SGCD: variants seen among roughly 807,000 people sequenced by gnomAD.
The protein encoded by SGCD is sarcoglycan delta.
A neutral mutation model predicts 36.6 loss-of-function variants in SGCD; 18 were observed. The ratio of observed to expected loss-of-function variants is 0.49; its 90% CI spans 0.34 to 0.73. SGCD has a LOEUF of 0.73. Ranked by LOEUF, SGCD falls within the 30% of genes least tolerant of loss-of-function variation. The pLI is 0.01. For synonymous variants in SGCD, 133 were observed against 130.6 expected (o/e 1.02, Z -0.12); for missense variants, 387 against 346.7 (o/e 1.12, Z -0.92).
chr5:155,884,903 AGACGATAATGACAAC>A (rs1413832484), intron 1 of SGCD, among the ~76,000 whole-genome samples: 1 of 117,288 alleles, frequency 8.5e-6, no homozygotes. Context: ...CTAATGATGA[AGACGATAATGACAAC>A]GACGATAACT....
the SGCD span, among the ~76,000 whole-genome samples, chr5:155,742,283 C>A: frequency 1.3e-5 from 2 of 152,132 alleles, no homozygotes; most frequent in Admixed American, 1.3e-4. Flanking sequence ...GTCAAAAATT[C>A]TATTTTTAAT....
intron 3 of SGCD, among the ~76,000 whole-genome samples, chr5:156,446,015 T>C (rs183367188): frequency 1.3e-5 from 2 of 152,204 alleles, no homozygotes; most frequent in African/African-American, 2.4e-5. Flanking sequence ...TGTAAGAATA[T>C]ATATTCCGAA....
intron 3 of SGCD, among the ~76,000 whole-genome samples, chr5:156,298,687 TC>T (rs1766968823): frequency 6.9e-6 from 1 of 144,308 alleles, no homozygotes; most frequent in African/African-American, 2.5e-5. Context: ...CACCTCAGCC[TC>T]CCACAGTGCT....
At chr5:155,799,810 CCCTT>C in the SGCD span, among the ~76,000 whole-genome samples, 30 of 90,278 alleles carry the variant, frequency 3.3e-4, no homozygotes, top group African/African-American at 1.3e-3. Context: ...CTTCCTATTC[CCCTT>C]TTTTTTTTTT....
intron 1 of SGCD, among the ~76,000 whole-genome samples, chr5:155,977,392 T>C (rs1297036665): frequency 6.6e-6 from 1 of 152,250 alleles, no homozygotes; most frequent in East Asian, 1.9e-4. Flanking sequence ...TGTAATTACC[T>C]TAATATTTGA....
In SGCD at chr5:156,585,507, T is replaced by C. The variant is rs559389480; in HGVS notation, c.295-3724T>C. 4.5e-4 allele frequency among the ~76,000 whole-genome samples: 68 copies of C among 152,304 alleles called. No individual in the cohort carries two copies. In the East Asian group the frequency reaches 7.5e-3, roughly 17 times the overall value. On this transcript the variant is annotated intron_variant, in intron 4 of 8. Coordinates refer to ENST00000337851, the MANE Select transcript of SGCD (RefSeq NM_000337.6). ...ATATTCAAAGTTAGTGTTATTTTAG[T>C]AAACATAGAGCACTGCGACCAATGC...
chr5:156,005,314 G>A (rs1043497358), intron 1 of SGCD, among the ~76,000 whole-genome samples: 11 of 152,100 alleles, frequency 7.2e-5, no homozygotes, highest in African/African-American at 2.7e-4. Context: ...GACAGCTTTG[G>A]CCAAGTCTGT....
intron 7 of SGCD, among the ~76,000 whole-genome samples, chr5:156,704,870 A>G (rs996020231): frequency 1.3e-5 from 2 of 151,980 alleles, no homozygotes; most frequent in Middle Eastern, 3.4e-3. Flanking sequence ...AAATACTGCC[A>G]TTCACCTGGT....
intron 3 of SGCD, among the ~76,000 whole-genome samples, chr5:156,452,557 C>T (rs542035700): frequency 6.6e-6 from 1 of 152,296 alleles, no homozygotes; most frequent in African/African-American, 2.4e-5. Context: ...AGGTAACCCT[C>T]ATAACAGCTT....
chr5:156,667,325 G>GATGATACCATTGT (rs1266989329), intron 7 of SGCD, among the ~76,000 whole-genome samples: 9 of 152,078 alleles, frequency 5.9e-5, no homozygotes, highest in Non-Finnish European at 1.0e-4. Context: ...TTGGTATGTG[G>GATGATACCATTGT]GGCAGTATGA....
chr5:155,944,445 T>G (rs1455127219), intron 1 of SGCD, among the ~76,000 whole-genome samples: 1 of 152,224 alleles, frequency 6.6e-6, no homozygotes, highest in African/African-American at 2.4e-5. Context: ...ATTGCACTGT[T>G]CTCTAGCTTT....
chr5:155,746,409 C>G, the SGCD span, among the ~76,000 whole-genome samples: 1 of 151,976 alleles, frequency 6.6e-6, no homozygotes, highest in East Asian at 1.9e-4. Context: ...AAAGAACACT[C>G]CAGGAGAGGA....
chr5:155,834,179 T>C, the SGCD span, among the ~76,000 whole-genome samples: 2 of 81,074 alleles, frequency 2.5e-5, no homozygotes, highest in Non-Finnish European at 4.8e-5. Context: ...TGCTTACCTA[T>C]GTGCCCCTCC....
intron 4 of SGCD, among the ~76,000 whole-genome samples, chr5:156,581,397 G>T (rs575274968): frequency 3.7e-4 from 56 of 152,336 alleles, no homozygotes; most frequent in African/African-American, 1.3e-3. Context: ...AGAGGAGGCA[G>T]TCTGTCCATT....
chr5:155,775,683 T>C, the SGCD span, among the ~76,000 whole-genome samples: 6,798 of 152,194 alleles, frequency 0.045, 329 homozygotes, highest in African/African-American at 0.12. Flanking sequence ...GTGAAAATGG[T>C]CAATATGTCC....
chr5:156,145,602 C>G (rs984494700), intron 3 of SGCD, among the ~76,000 whole-genome samples: 1 of 152,072 alleles, frequency 6.6e-6, no homozygotes, highest in African/African-American at 2.4e-5. Context: ...AACAGTGACA[C>G]TAATGAAAGC....
intron 4 of SGCD, among the ~76,000 whole-genome samples, chr5:156,519,375 AAAAT>A (rs1340048245): frequency 6.6e-6 from 1 of 151,998 alleles, no homozygotes; most frequent in East Asian, 1.9e-4. Flanking sequence ...CAAACAAACA[AAAAT>A]AACAACAACA....
the SGCD span, among the ~76,000 whole-genome samples, chr5:155,729,782 A>T: frequency 6.6e-6 from 1 of 152,314 alleles, no homozygotes; most frequent in East Asian, 1.9e-4. Context: ...GAGGCATCCA[A>T]ATGCCTCCTG....
chr5:156,127,904 A>G (rs900576599), intron 3 of SGCD, among the ~76,000 whole-genome samples: 5 of 151,218 alleles, frequency 3.3e-5, no homozygotes, highest in African/African-American at 4.8e-5. Flanking sequence ...TCCTGGAACA[A>G]AAGCTAGAAT....
Sources: gnomAD v4.1 joint callset for allele counts (sites outside exome capture counted in the v4.1 genomes callset) on GRCh38, gnomAD v4.1.1 for gene constraint, MANE v1.5 for transcripts, NCBI Gene and HGNC (gene_info 2026-07-23, HGNC 2026-07-21) for gene names.